The following LLCFC1 variants were observed in gnomAD, a reference collection of about 807,000 sequenced individuals.
LLCFC1 encodes sperm-egg fusion protein LLCFC1.
In LLCFC1, 14 loss-of-function variants were observed where a neutral mutation model predicts 9.8. The observed-to-expected ratio is 1.43, with a 90% CI of 0.95 to 2.24. The LOEUF (loss-of-function observed/expected upper bound fraction) is 2.24. Ranked by LOEUF, LLCFC1 falls within the 30% of genes most tolerant of loss-of-function variation. The pLI, the probability that LLCFC1 is intolerant of heterozygous loss-of-function variation, is 0.00. For missense variants in LLCFC1, 162 were observed against 148.0 expected (o/e 1.09, Z -0.49); for synonymous variants, 70 against 58.8 (o/e 1.19, Z -0.87).
Position 142,939,561 on chromosome 7 carries a change from G to A in LLCFC1, c.-61G>A, listed in dbSNP as rs201104958. ...CCAGGACAGGAATGGGGCAGGAGGT[G>A]CACGGATCCTGCTGGGCACTGGGAG... On this transcript the variant is annotated 5_prime_UTR_variant, in exon 1 of 2. Transcript: ENST00000409607. 1.9e-6 allele frequency: 3 copies of A among 1,573,212 alleles called. No individual in the cohort carries two copies. Among genetic ancestry groups the A allele is most frequent in the Non-Finnish European group, 2.6e-6 (3 of 1,159,452 alleles).
rs1796321223 is a variant in LLCFC1, at chr7:142,940,541, G to A, written c.323G>A (p.Arg108Lys). Residue 108 changes from arginine (R) to lysine (K), a missense_variant, in exon 2 of 2, where the codon AGG becomes AAG. By Grantham distance (26) the Arg-to-Lys change is conservative. Transcript: ENST00000409607. ...ATGGTTTTCTCAGGAGGGCCATTGA[G>A]GCGGACATTCCCAAATATCCAACTC... ...SVMVFSGGPL[R>K]RTFPNIQLCF... 6.2e-7 allele frequency: 1 copy of A among 1,614,212 alleles called. No individual in the cohort carries two copies. The highest frequency in any genetic ancestry group is 8.5e-7 in the Non-Finnish European group (1 of 1,180,044).
At position 142,940,391 on chromosome 7, in the gene LLCFC1, C is replaced by T. The variant is rs143475597; in HGVS notation, c.173C>T (p.Ser58Phe). 4,516 of 1,614,162 alleles carry T rather than the reference C, an allele frequency of 2.8e-3. 9 individuals are homozygous for T. The highest frequency in any genetic ancestry group is 5.3e-3 in the Middle Eastern group (32 of 6,062). ...QEQFEEHFVA[S>F]SVGEMWQVVD... ...CAGTTCGAAGAGCACTTTGTGGCCT[C>T]CTCAGTGGGTGAGATGTGGCAGGTG... Residue 58 changes from serine (S) to phenylalanine (F), a missense_variant, in exon 2 of 2, where the codon TCC (serine) becomes TTC (phenylalanine). Transcript: ENST00000409607.
chr7:142,939,733 A>T lies in LLCFC1; in HGVS notation c.112A>T (p.Thr38Ser). 1 of 1,612,758 alleles carries T rather than the reference A, an allele frequency of 6.2e-7. No individual in the cohort carries two copies. Among genetic ancestry groups the T allele is most frequent in the Non-Finnish European group, 8.5e-7 (1 of 1,179,552 alleles). Reference sequence around the variant, plus strand: ...CCCAGGCCCCAAAGATGGGAGCCAGACAGAGAAAACGCCCTCTGCAGGTAG... The same window carrying T: ...CCCAGGCCCCAAAGATGGGAGCCAGTCAGAGAAAACGCCCTCTGCAGGTAG... The part of the protein sequence containing the change: ...GSPGPKDGSQ[T>S]EKTPSADQNQ... The change falls in exon 1 of 2, where the codon ACA (threonine) becomes TCA (serine). Residue 38 changes from threonine (T) to serine (S), a missense_variant. Thr to Ser is a moderately conservative substitution (Grantham distance 58). Coordinates refer to ENST00000409607, the MANE Select transcript of LLCFC1 (RefSeq NM_001382496.1).
In LLCFC1 at chr7:142,940,653, C is replaced by T. The variant is rs757198325; in HGVS notation, c.*66C>T. ...GAGATGCAGGCATGGCTCTCTGCCT[C>T]TGATCACCATCACTGTATCTCAAGG... On this transcript the variant is annotated 3_prime_UTR_variant, in exon 2 of 2. Transcript: ENST00000409607. 4 of 1,284,382 alleles carry T rather than the reference C, an allele frequency of 3.1e-6. No individual in the cohort carries two copies. In the South Asian group the frequency reaches 3.7e-5, roughly 12 times the overall value. The allele number at this position is 1,284,382 out of a possible 1,614,324, so 79.6% of individuals were successfully genotyped here. A position where few individuals can be genotyped will look rare whatever the true frequency, so the allele number is the denominator to read the frequency against.
At chr7:142,939,876 T>A in intron 1 of LLCFC1, 122 bp downstream of exon 1, 1 of 957,788 alleles carries the variant, frequency 1.0e-6, no homozygotes, top group Non-Finnish European at 1.5e-6. Context: ...CCCAGGTCAC[T>A]GATGAGGCTA....
chr7:142,940,434 G>A lies in LLCFC1; in HGVS notation c.216G>A (p.Gln72=). Residue 72 remains glutamine, a synonymous_variant, in exon 2 of 2, where the codon CAG becomes CAA. Coordinates refer to ENST00000409607, the MANE Select transcript of LLCFC1 (RefSeq NM_001382496.1). ...EMWQVVDMAQ[Q]EEDQSSKTAA... is the part of the protein sequence containing the mutation. ...GGCAGGTGGTGGACATGGCCCAGCA[G>A]GAAGAAGACCAGTCGTCCAAGACGG... is the stretch of plus-strand genomic sequence containing the variant. The A allele has an allele frequency of 1.2e-6, 2 of 1,614,084 alleles. No homozygotes were observed. Among genetic ancestry groups the A allele is most frequent in the South Asian group, 1.1e-5 (1 of 91,070 alleles).
rs1796327351 is a variant in LLCFC1, at chr7:142,940,675, A to C, written c.*88A>C. The C allele has an allele frequency of 6.2e-6, 7 of 1,137,330 alleles. No individual in the cohort carries two copies. Among genetic ancestry groups the C allele is most frequent in the Non-Finnish European group, 9.1e-6 (7 of 768,858 alleles). The allele number at this position is 1,137,330 out of a possible 1,614,324, so 70.5% of individuals were successfully genotyped here. A position where few individuals can be genotyped will look rare whatever the true frequency, so the allele number is the denominator to read the frequency against. Reference sequence around the variant, plus strand: ...CCTCTGATCACCATCACTGTATCTCAAGGTTCAGCAGCAGAGATACCAGTT... The same window carrying C: ...CCTCTGATCACCATCACTGTATCTCCAGGTTCAGCAGCAGAGATACCAGTT... On this transcript the variant is annotated 3_prime_UTR_variant, in exon 2 of 2. Transcript: ENST00000409607.
At position 142,940,825 on chromosome 7, in the gene LLCFC1, C is replaced by G. The variant is rs1234259506; in HGVS notation, c.*238C>G. ...TTTGTTCAGGACAGCAGATTAGAGG[C>G]AGGAGGCAATGACAATAAAATAACG... On this transcript the variant is annotated 3_prime_UTR_variant, in exon 2 of 2. Coordinates refer to ENST00000409607, the MANE Select transcript of LLCFC1 (RefSeq NM_001382496.1). 3 of 597,420 alleles carry G rather than the reference C, an allele frequency of 5.0e-6. No homozygotes were observed. 37.0% of individuals were successfully genotyped at this position (597,420 alleles called of 1,614,324 possible).
At position 142,940,648 on chromosome 7, in the gene LLCFC1, T is replaced by C. The variant is rs1796326512; in HGVS notation, c.*61T>C. The C allele has an allele frequency of 1.5e-6, 2 of 1,349,556 alleles. No homozygotes were observed. The highest frequency in any genetic ancestry group is 1.4e-5 in the African/African-American group (1 of 69,666). 83.6% of individuals were successfully genotyped at this position (1,349,556 alleles called of 1,614,324 possible). On this transcript the variant is annotated 3_prime_UTR_variant, in exon 2 of 2. Transcript: ENST00000409607. ...CAAAGGAGATGCAGGCATGGCTCTCTGCCTCTGATCACCATCACTGTATCT... is the reference window on the plus strand; with the variant it reads ...CAAAGGAGATGCAGGCATGGCTCTCCGCCTCTGATCACCATCACTGTATCT...
In LLCFC1 at chr7:142,939,587, C is replaced by A; in HGVS notation, c.-35C>A. 1.9e-6 allele frequency: 3 copies of A among 1,596,128 alleles called. No individual in the cohort carries two copies. Among genetic ancestry groups the A allele is most frequent in the Non-Finnish European group, 2.6e-6 (3 of 1,170,586 alleles). On this transcript the variant is annotated 5_prime_UTR_variant, in exon 1 of 2. Transcript: ENST00000409607. ...CACGGATCCTGCTGGGCACTGGGAG[C>A]AGGGGGCGGCCAAAGGCAGTGGGTG...
chr7:142,940,106 GGTGTGTGTGTGTGTGTGTGTGTGTGT>G (rs782240164), intron 1 of LLCFC1, among the ~76,000 whole-genome samples: 12 of 128,994 alleles, frequency 9.3e-5, no homozygotes, highest in East Asian at 2.4e-4. Flanking sequence ...CCTTAGGAAT[GGTGTGTGTGTGTGTGTGTGTGTGTGT>G]GTGTGTGTGT....
Position 142,940,661 on chromosome 7 carries a change from C to A in LLCFC1, c.*74C>A. 2 of 1,227,810 alleles carry A rather than the reference C, an allele frequency of 1.6e-6. No individual in the cohort carries two copies. The highest frequency in any genetic ancestry group is 2.4e-6 in the Non-Finnish European group (2 of 840,328). 76.1% of individuals were successfully genotyped at this position (1,227,810 alleles called of 1,614,324 possible). A position where few individuals can be genotyped will look rare whatever the true frequency, so the allele number is the denominator to read the frequency against. Reference sequence around the variant, plus strand: ...GGCATGGCTCTCTGCCTCTGATCACCATCACTGTATCTCAAGGTTCAGCAG... The same window carrying A: ...GGCATGGCTCTCTGCCTCTGATCACAATCACTGTATCTCAAGGTTCAGCAG... On this transcript the variant is annotated 3_prime_UTR_variant, in exon 2 of 2. Coordinates refer to ENST00000409607, the MANE Select transcript of LLCFC1 (RefSeq NM_001382496.1).
chr7:142,940,320 G>C (rs771201757), intron 1 of LLCFC1, 32 bp from the exon 2 acceptor site: 1 of 1,575,528 alleles, frequency 6.3e-7, no homozygotes, highest in Admixed American at 1.7e-5. Context: ...CCAGGGTCAG[G>C]GCTCAGTCCT....
intron 1 of LLCFC1, 64 bp from the exon 2 acceptor site, chr7:142,940,288 A>G: frequency 7.4e-7 from 1 of 1,355,040 alleles, no homozygotes; most frequent in South Asian, 1.2e-5. Context: ...TTCCTATTCT[A>G]ACTTCTCCTT....
At chr7:142,940,300 C>A in intron 1 of LLCFC1, 52 bp from the exon 2 acceptor site, 1 of 1,457,158 alleles carries the variant, frequency 6.9e-7, no homozygotes, top group Non-Finnish European at 9.6e-7. Flanking sequence ...CTTCTCCTTT[C>A]TGGTTCAGGC....
Position 142,939,633 on chromosome 7 carries a change from G to A in LLCFC1, c.12G>A (p.Leu4=). The change falls in exon 1 of 2, where the codon CTG becomes CTA. Residue 4 remains leucine, a synonymous_variant. Transcript: ENST00000409607. ...GGGTGGGCAGGTCCATGCCTCCCCT[G>A]GCCCCCCAGCTCTGCAGGGCAGTGT... The part of the protein sequence containing the change: MPP[L]APQLCRAVFL... 1 of 1,612,946 alleles carries A rather than the reference G, an allele frequency of 6.2e-7. No individual in the cohort carries two copies. The highest frequency in any genetic ancestry group is 2.2e-5 in the East Asian group (1 of 44,884).
chr7:142,940,465 G>A lies in LLCFC1; in HGVS notation c.247G>A (p.Val83Ile), dbSNP rs1414537577. ...AGACCAGTCGTCCAAGACGGCAGCT[G>A]TTCACAAGCACTCTTTCCACCTCAG... ...EEDQSSKTAAVHKHSFHLSFC... is the reference protein window; with the variant it reads ...EEDQSSKTAAIHKHSFHLSFC... Residue 83 changes from valine (V) to isoleucine (I), a missense_variant, in exon 2 of 2, where the codon GTT becomes ATT. Coordinates refer to ENST00000409607, the MANE Select transcript of LLCFC1 (RefSeq NM_001382496.1). 1.2e-6 allele frequency: 2 copies of A among 1,614,000 alleles called. No individual in the cohort carries two copies. Among genetic ancestry groups the A allele is most frequent in the African/African-American group, 2.7e-5 (2 of 74,882 alleles).
rs1192489745 is a variant in LLCFC1, at chr7:142,939,767, A to G, written c.133+13A>G. ...ACGCCCTCTGCAGGTAGGTGGAAAA[A>G]AAGACAGGAGCCATACAGAGAAAAC... On this transcript the variant is annotated intron_variant, in intron 1 of 1. Coordinates refer to ENST00000409607, the MANE Select transcript of LLCFC1 (RefSeq NM_001382496.1). 2 of 1,599,252 alleles carry G rather than the reference A, an allele frequency of 1.3e-6. No individual in the cohort carries two copies. Among genetic ancestry groups the G allele is most frequent in the Non-Finnish European group, 1.7e-6 (2 of 1,175,132 alleles).
chr7:142,940,330 T>C (rs1272765118), intron 1 of LLCFC1, 22 bp from the exon 2 acceptor site: 2 of 1,600,094 alleles, frequency 1.2e-6, no homozygotes, highest in African/African-American at 1.3e-5. Flanking sequence ...GGCTCAGTCC[T>C]TGTCCTTTTC....
Sources: allele counts gnomAD v4.1 joint callset (sites outside exome capture counted in the v4.1 genomes callset), GRCh38; gene constraint gnomAD v4.1.1; transcripts MANE v1.5; gene names NCBI Gene and HGNC (gene_info 2026-07-23, HGNC 2026-07-21).